MCCC1: variants seen among roughly 807,000 people sequenced by gnomAD.
The protein encoded by MCCC1 is methylcrotonoyl-CoA carboxylase subunit alpha, mitochondrial.
A neutral mutation model predicts 83.8 loss-of-function variants in MCCC1; 64 were observed. That is an observed-to-expected ratio of 0.76 (90% CI 0.62 to 0.94). MCCC1 has a LOEUF of 0.94. Ranked by LOEUF, MCCC1 falls within the 40% of genes least tolerant of loss-of-function variation. The pLI is 0.00. For synonymous variants in MCCC1, 322 were observed against 315.4 expected, an observed-to-expected ratio of 1.02 and a Z score of -0.22; for missense variants, 807 against 904.7, an observed-to-expected ratio of 0.89 and a Z score of 1.39.
chr3:183,107,179 C>T lies in MCCC1; in HGVS notation c.-102+8295G>A, dbSNP rs371275164. On this transcript the variant is annotated intron_variant, in intron 1 of 17. Coordinates refer to the MCCC1 transcript ENST00000492597. ...CAGCACTTTGGGAGGCTGAGGCGGACGGATCATTTGAGGTCAGGAGTTTGA... is the reference window on the plus strand; with the variant it reads ...CAGCACTTTGGGAGGCTGAGGCGGATGGATCATTTGAGGTCAGGAGTTTGA... Among the ~76,000 whole-genome samples, 381 of 151,882 alleles carry T rather than the reference C, an allele frequency of 2.5e-3. 1 individual carries two copies. Among genetic ancestry groups the T allele is most frequent in the African/African-American group, 8.5e-3 (354 of 41,438 alleles).
At chr3:183,063,811 C>G (rs1272896980) in intron 7 of MCCC1, among the ~76,000 whole-genome samples, 2 of 152,118 alleles carry the variant, frequency 1.3e-5, no homozygotes, top group East Asian at 3.9e-4. Context: ...TTCTGATGAA[C>G]TACGGAAGGG....
intron 1 of MCCC1, among the ~76,000 whole-genome samples, chr3:183,106,227 G>A (rs6789700): frequency 0.032 from 4,811 of 152,160 alleles, 259 homozygotes; most frequent in African/African-American, 0.11. Context: ...CATCTTTGTA[G>A]CCAAGGATAA....
chr3:183,040,098 GAAAAAAAAAAAA>G (rs57389038), intron 11 of MCCC1, among the ~76,000 whole-genome samples: 10 of 34,594 alleles, frequency 2.9e-4, no homozygotes, highest in East Asian at 2.3e-3. Flanking sequence ...CTCCATCTCA[GAAAAAAAAAAAA>G]AAAAAAAAAA....
intron 15 of MCCC1, among the ~76,000 whole-genome samples, chr3:183,023,272 G>C (rs1393772965): frequency 6.6e-6 from 1 of 152,024 alleles, no homozygotes. Context: ...AAGTCACATG[G>C]CTATTCTTTT....
chr3:183,061,699 G>A (rs142174935), intron 7 of MCCC1, among the ~76,000 whole-genome samples: 1 of 152,178 alleles, frequency 6.6e-6, no homozygotes, highest in Non-Finnish European at 1.5e-5. Flanking sequence ...CTTGCCCCAT[G>A]GCCTCAATTC....
chr3:183,017,358 G>A lies in MCCC1; in HGVS notation c.1978-21C>T, dbSNP rs201758097. 5.7e-5 allele frequency: 92 copies of A among 1,611,868 alleles called. No homozygotes were observed. The East Asian group carries it at 1.9e-3, about 34-fold the overall frequency. On this transcript the variant is annotated intron_variant, in intron 17 of 18. Transcript: ENST00000265594. Reference sequence around the variant, plus strand: ...AACACCTTGAGATTCAGTGTGACAGGTTAATATTTGAAAACACAGAGGTCC... The same window carrying A: ...AACACCTTGAGATTCAGTGTGACAGATTAATATTTGAAAACACAGAGGTCC...
At chr3:183,037,750 G>A (rs1254505329) in intron 12 of MCCC1, among the ~76,000 whole-genome samples, 1 of 152,152 alleles carries the variant, frequency 6.6e-6, no homozygotes, top group Non-Finnish European at 1.5e-5. Flanking sequence ...CATAATAAAT[G>A]TTAAGAAACA....
intron 1 of MCCC1, among the ~76,000 whole-genome samples, chr3:183,097,496 C>G (rs767570243): frequency 6.6e-6 from 1 of 152,168 alleles, no homozygotes; most frequent in Non-Finnish European, 1.5e-5. Flanking sequence ...GGACTCAGGC[C>G]GTCCTCGCCC....
chr3:183,015,276 G>C lies in MCCC1; in HGVS notation c.*162C>G. On this transcript the variant is annotated 3_prime_UTR_variant, in exon 19 of 19. Transcript: ENST00000265594. ...AGTATGAAATATTTTGAGATAATTA[G>C]TGACCCAAATGCATGATTCTCCAAT... 1.3e-6 allele frequency: 1 copy of C among 749,508 alleles called. No homozygotes were observed. Among genetic ancestry groups the C allele is most frequent in the Non-Finnish European group, 2.4e-6 (1 of 424,962 alleles). The allele number at this position is 749,508 out of a possible 1,614,324, so 46.4% of individuals were successfully genotyped here. A position where few individuals can be genotyped will look rare whatever the true frequency, so the allele number is the denominator to read the frequency against.
In MCCC1 at chr3:183,051,559, C is replaced by T. The variant is rs116112273; in HGVS notation, c.955+600G>A. On this transcript the variant is annotated intron_variant, in intron 9 of 18. Transcript: ENST00000265594. The stretch of plus-strand genomic sequence containing the variant: ...CAGAGCACAGAGGATATTTAGGGCA[C>T]TGAAACTATTCTATACCATAGTACA... Among the ~76,000 whole-genome samples, 121 of 152,180 alleles carry T rather than the reference C, an allele frequency of 8.0e-4. No individual in the cohort carries two copies. In the Middle Eastern group the frequency reaches 0.017, roughly 21 times the overall value.
intron 1 of MCCC1, among the ~76,000 whole-genome samples, chr3:183,096,920 T>C (rs528747553): frequency 6.6e-6 from 1 of 152,330 alleles, no homozygotes; most frequent in South Asian, 2.1e-4. Flanking sequence ...TATTAAATGG[T>C]TGCTTGTTGG....
intron 14 of MCCC1, among the ~76,000 whole-genome samples, chr3:183,026,931 A>T (rs938276994): frequency 2.0e-5 from 3 of 152,234 alleles, no homozygotes; most frequent in African/African-American, 7.2e-5. Context: ...TTACAGGCAC[A>T]TCTCACTTTA....
intron 8 of MCCC1, among the ~76,000 whole-genome samples, chr3:183,053,742 C>G (rs988329785): frequency 4.1e-5 from 6 of 145,754 alleles, no homozygotes; most frequent in African/African-American, 1.5e-4. Flanking sequence ...GAGGCAGAGG[C>G]TGCAGTGAGC....
chr3:183,045,159 C>T (rs1253609654), intron 10 of MCCC1, among the ~76,000 whole-genome samples: 3 of 151,528 alleles, frequency 2.0e-5, no homozygotes, highest in South Asian at 4.2e-4. Flanking sequence ...CGGCTTACTG[C>T]AACCTCTGCC....
At chr3:183,108,444 T>G (rs1010207115) in intron 1 of MCCC1, among the ~76,000 whole-genome samples, 2 of 152,240 alleles carry the variant, frequency 1.3e-5, no homozygotes, top group Non-Finnish European at 2.9e-5. Context: ...AATTGGTGTC[T>G]GCCAGGTTTC....
rs1401269598 is a variant in MCCC1, at chr3:183,086,586, G to A, written c.369+107C>T. 4.1e-5 allele frequency: 39 copies of A among 942,438 alleles called. 1 individual carries two copies. The East Asian group carries it at 4.2e-4, about 10-fold the overall frequency. The allele number at this position is 942,438 out of a possible 1,614,324, so 58.4% of individuals were successfully genotyped here. A position where few individuals can be genotyped will look rare whatever the true frequency, so the allele number is the denominator to read the frequency against. On this transcript the variant is annotated intron_variant, in intron 4 of 18. Transcript: ENST00000265594. ...TACAATGATAATCCAATAATCAAAT[G>A]TAAAGATCTTGGGAAAGGCTAAAAA...
At chr3:183,065,497 A>T (rs1716190204) in intron 7 of MCCC1, among the ~76,000 whole-genome samples, 1 of 152,230 alleles carries the variant, frequency 6.6e-6, no homozygotes, top group Non-Finnish European at 1.5e-5. Flanking sequence ...ATGTGATTTA[A>T]GTAATCTTTG....
At chr3:183,047,421 C>T (rs1406818600) in intron 9 of MCCC1, among the ~76,000 whole-genome samples, 1 of 152,110 alleles carries the variant, frequency 6.6e-6, no homozygotes, top group East Asian at 1.9e-4. Flanking sequence ...ACCCAGTACA[C>T]CATGTCCATC....
intron 11 of MCCC1, among the ~76,000 whole-genome samples, chr3:183,039,676 G>T (rs947331875): frequency 3.9e-5 from 6 of 152,130 alleles, no homozygotes; most frequent in Non-Finnish European, 7.3e-5. Context: ...TCTGAACCAG[G>T]GCACATTCCA....
Sources: gnomAD v4.1 joint callset for allele counts (sites outside exome capture counted in the v4.1 genomes callset) on GRCh38, gnomAD v4.1.1 for gene constraint, MANE v1.5 for transcripts, NCBI Gene and HGNC (gene_info 2026-07-23, HGNC 2026-07-21) for gene names.